DUSP13B: variants seen among roughly 807,000 people sequenced by gnomAD.
DUSP13B encodes dual specificity phosphatase 13B.
At chr10:75,105,947 T>C in the DUSP13B span, 288 of 1,352,550 alleles carry the variant, frequency 2.1e-4, 2 homozygotes, top group South Asian at 3.8e-3. Flanking sequence ...CCAAGTTCCT[T>C]TCCTGACCCT....
At chr10:75,107,975 T>C in the DUSP13B span, 1 of 1,602,654 alleles carries the variant, frequency 6.2e-7, no homozygotes, top group Non-Finnish European at 8.5e-7. Flanking sequence ...GATATGGGCT[T>C]GGACCCCAAG....
chr10:75,106,510 T>A, the DUSP13B span, among the ~76,000 whole-genome samples: 1 of 152,208 alleles, frequency 6.6e-6, no homozygotes, highest in Non-Finnish European at 1.5e-5. Flanking sequence ...AAAGTATTGC[T>A]TGAATCACAA....
At chr10:75,095,757 C>T in the DUSP13B span, 8 of 1,614,060 alleles carry the variant, frequency 5.0e-6, no homozygotes, top group East Asian at 2.2e-5. Context: ...GTGGGTGATT[C>T]CCAGCTGGAT....
the DUSP13B span, chr10:75,107,969 T>C: frequency 9.4e-6 from 15 of 1,596,876 alleles, no homozygotes; most frequent in African/African-American, 2.7e-5. Flanking sequence ...AGATGGGATA[T>C]GGGCTTGGAC....
At chr10:75,095,007 G>T in the DUSP13B span, 1 of 845,274 alleles carries the variant, frequency 1.2e-6, no homozygotes, top group Non-Finnish European at 1.8e-6. Flanking sequence ...TGTCAAATGG[G>T]GCAACTGAAG....
the DUSP13B span, chr10:75,108,929 C>T: frequency 2.0e-6 from 3 of 1,506,022 alleles, no homozygotes; most frequent in Non-Finnish European, 2.7e-6. Context: ...CTTGTTTCCA[C>T]CCTCCTGTGT....
the DUSP13B span, among the ~76,000 whole-genome samples, chr10:75,108,797 T>C: frequency 6.6e-6 from 1 of 152,160 alleles, no homozygotes; most frequent in Non-Finnish European, 1.5e-5. Context: ...CTCCCTGCTT[T>C]CAGGCAGGCG....
the DUSP13B span, among the ~76,000 whole-genome samples, chr10:75,103,706 G>A: frequency 5.7e-3 from 872 of 152,340 alleles, 9 homozygotes; most frequent in Non-Finnish European, 9.3e-3. Flanking sequence ...GCTCCAGGGA[G>A]CTAAGGCTCA....
the DUSP13B span, among the ~76,000 whole-genome samples, chr10:75,104,402 T>G: frequency 3.9e-5 from 6 of 152,296 alleles, no homozygotes; most frequent in East Asian, 1.2e-3. Context: ...TTGCACAGTT[T>G]GGTGGATGAC....
the DUSP13B span, among the ~76,000 whole-genome samples, chr10:75,096,427 A>AT: frequency 6.6e-6 from 1 of 152,058 alleles, no homozygotes; most frequent in African/African-American, 2.4e-5. Flanking sequence ...CAATGCAAAA[A>AT]TTAGCCAGGC....
the DUSP13B span, chr10:75,094,979 T>C: frequency 9.6e-7 from 1 of 1,038,000 alleles, no homozygotes; most frequent in Non-Finnish European, 1.4e-6. Flanking sequence ...TATCCTGGAA[T>C]ACTGACACTG....
chr10:75,095,639 G>A, the DUSP13B span: 4 of 1,614,216 alleles, frequency 2.5e-6, no homozygotes, highest in Middle Eastern at 1.7e-4. Flanking sequence ...CACTGAGGTC[G>A]AAGAAGGGGT....
the DUSP13B span, among the ~76,000 whole-genome samples, chr10:75,107,766 G>A: frequency 2.6e-5 from 4 of 152,156 alleles, no homozygotes; most frequent in Admixed American, 6.5e-5. Flanking sequence ...TAGTAGAGAC[G>A]AGGTTTCACC....
the DUSP13B span, chr10:75,109,030 G>A: frequency 6.2e-7 from 1 of 1,610,184 alleles, no homozygotes; most frequent in Non-Finnish European, 8.5e-7. Context: ...GAAAAGGTTG[G>A]GCCAAACTTC....
chr10:75,105,920 C>T, the DUSP13B span: 3,963 of 1,515,398 alleles, frequency 2.6e-3, 97 homozygotes, highest in African/African-American at 0.048. Flanking sequence ...GGCCCACCCA[C>T]GGGCTGGGAT....
the DUSP13B span, chr10:75,099,533 G>A: frequency 8.1e-7 from 1 of 1,231,612 alleles, no homozygotes; most frequent in Non-Finnish European, 1.0e-6. Context: ...CAAACACTGT[G>A]AAGCGGCTAG....
chr10:75,094,702 G>C, the DUSP13B span: 1 of 1,614,118 alleles, frequency 6.2e-7, no homozygotes, highest in South Asian at 1.1e-5. Flanking sequence ...TCCCGCCCCA[G>C]TCGGTTGTCC....
the DUSP13B span, chr10:75,108,208 C>T: frequency 6.3e-7 from 1 of 1,597,244 alleles, no homozygotes; most frequent in Admixed American, 1.7e-5. Context: ...TTTGCCGTGG[C>T]CCTGGGGAGG....
chr10:75,097,277 C>T, the DUSP13B span, among the ~76,000 whole-genome samples: 1 of 151,952 alleles, frequency 6.6e-6, no homozygotes, highest in African/African-American at 2.4e-5. Flanking sequence ...GGCACGATCT[C>T]GGCTCACTGC....
Sources: gnomAD v4.1 joint callset for allele counts (sites outside exome capture counted in the v4.1 genomes callset) on GRCh38, gnomAD v4.1.1 for gene constraint, MANE v1.5 for transcripts, NCBI Gene and HGNC (gene_info 2026-07-23, HGNC 2026-07-21) for gene names.